STPG2: variants seen among roughly 807,000 people sequenced by gnomAD.
STPG2 encodes the protein sperm-tail PG-rich repeat-containing protein 2.
In STPG2, 56 loss-of-function variants were observed where a neutral mutation model predicts 54.2. That is an observed-to-expected ratio of 1.03 (90% CI 0.83 to 1.29). The LOEUF is 1.29. Ranked by LOEUF, STPG2 falls within the 50% of genes most tolerant of loss-of-function variation. The pLI is 0.00. For missense variants in STPG2, 596 were observed against 544.9 expected (o/e 1.09, Z -0.93); for synonymous variants, 200 against 181.8 (o/e 1.10, Z -0.81).
At chr4:97,941,148 C>T (rs913325678) in intron 8 of STPG2, among the ~76,000 whole-genome samples, 5 of 151,948 alleles carry the variant, frequency 3.3e-5, no homozygotes, top group East Asian at 3.9e-4. Context: ...CCTTGAAATG[C>T]GGCTAATGTT....
chr4:97,702,423 ACACCTT>A (rs1723806418), intron 10 of STPG2, among the ~76,000 whole-genome samples: 1 of 152,176 alleles, frequency 6.6e-6, no homozygotes, highest in Non-Finnish European at 1.5e-5. Context: ...CAAGTGTAAC[ACACCTT>A]CTCATGGGTC....
intron 10 of STPG2, among the ~76,000 whole-genome samples, chr4:97,705,574 C>A (rs1052847858): frequency 6.6e-6 from 1 of 151,972 alleles, no homozygotes; most frequent in Non-Finnish European, 1.5e-5. Context: ...GAGTTGCCCA[C>A]CTCAGCCTCC....
At chr4:97,953,000 C>T (rs1292201187) in intron 7 of STPG2, among the ~76,000 whole-genome samples, 2 of 152,130 alleles carry the variant, frequency 1.3e-5, no homozygotes, top group Admixed American at 1.3e-4. Context: ...CCTTATGTTA[C>T]CCAGGGGAGA....
chr4:97,653,360 A>C (rs534249693), intron 10 of STPG2, among the ~76,000 whole-genome samples: 1 of 151,938 alleles, frequency 6.6e-6, no homozygotes, highest in South Asian at 2.1e-4. Context: ...AATGAACAGT[A>C]GTGGAACAAA....
chr4:97,484,070 AAGGTGGTGCT>A lies in STPG2; in HGVS notation c.462+228619_462+228628del, dbSNP rs549843183. Among the ~76,000 whole-genome samples, 1,202 of 151,908 alleles carry A rather than the reference AAGGTGGTGCT, an allele frequency of 7.9e-3. 17 individuals are homozygous for A. The highest frequency in any genetic ancestry group is 0.026 in the African/African-American group (1,077 of 41,506). On this transcript the variant is annotated intron_variant, in intron 4 of 4. Transcript: ENST00000522676. The stretch of plus-strand genomic sequence containing the variant: ...CTATCAAAACCTCTGGGATACAGCA[AAGGTGGTGCT>A]AGGAGGAAAGTTCATAGCCCCAAAT...
chr4:97,747,012 C>CA (rs68176141), intron 9 of STPG2, among the ~76,000 whole-genome samples: 1,538 of 135,208 alleles, frequency 0.011, 12 homozygotes, highest in Middle Eastern at 0.048. Context: ...TGTTTTTATA[C>CA]AAAAAAAAAA....
intron 10 of STPG2, among the ~76,000 whole-genome samples, chr4:97,684,318 ACTACC>A (rs572865937): frequency 1.7e-4 from 26 of 152,062 alleles, no homozygotes; most frequent in South Asian, 1.0e-3. Flanking sequence ...GAGGACTAAT[ACTACC>A]CTACTTCAAG....
At chr4:98,063,429 C>T (rs915636740) in intron 5 of STPG2, among the ~76,000 whole-genome samples, 10 of 151,120 alleles carry the variant, frequency 6.6e-5, no homozygotes, top group African/African-American at 2.4e-4. Context: ...AGCCTGGTGA[C>T]AGAGCAAGAC....
intron 10 of STPG2, among the ~76,000 whole-genome samples, chr4:97,701,463 T>C (rs1723772200): frequency 6.6e-6 from 1 of 152,114 alleles, no homozygotes. Context: ...CTTTCCCCAA[T>C]GCACAGTTAA....
chr4:97,496,243 T>C (rs1730608919), intron 4 of STPG2, among the ~76,000 whole-genome samples: 1 of 151,732 alleles, frequency 6.6e-6, no homozygotes, highest in African/African-American at 2.4e-5. Flanking sequence ...AAAAATAACT[T>C]GCAATTTTTC....
intron 1 of STPG2, among the ~76,000 whole-genome samples, chr4:98,134,871 A>C (rs1361689853): frequency 6.6e-6 from 1 of 151,790 alleles, no homozygotes; most frequent in African/African-American, 2.4e-5. Flanking sequence ...GACACCCTAG[A>C]TGGAAATAAT....
At chr4:97,841,044 T>C in intron 8 of STPG2, 112 bp from the exon 9 acceptor site, 1 of 994,802 alleles carries the variant, frequency 1.0e-6, no homozygotes, top group Non-Finnish European at 1.4e-6. Flanking sequence ...CTAATACTTT[T>C]ATTAATTAAA....
At chr4:97,976,043 G>C (rs1357572353) in intron 6 of STPG2, among the ~76,000 whole-genome samples, 1 of 152,110 alleles carries the variant, frequency 6.6e-6, no homozygotes, top group African/African-American at 2.4e-5. Flanking sequence ...AAATCTTTCT[G>C]CATAGAAATA....
chr4:97,593,292 T>C (rs929622545), intron 10 of STPG2, among the ~76,000 whole-genome samples: 6 of 152,114 alleles, frequency 3.9e-5, no homozygotes, highest in Admixed American at 1.3e-4. Flanking sequence ...CAGCAAGCAC[T>C]TGTCCACAGC....
chr4:97,684,967 A>C (rs1449577123), intron 10 of STPG2, among the ~76,000 whole-genome samples: 1 of 152,080 alleles, frequency 6.6e-6, no homozygotes, highest in East Asian at 1.9e-4. Context: ...AGCATATAAA[A>C]AGATGCCCAA....
At chr4:97,826,524 T>TA (rs1370340059) in intron 9 of STPG2, among the ~76,000 whole-genome samples, 1 of 152,160 alleles carries the variant, frequency 6.6e-6, no homozygotes, top group African/African-American at 2.4e-5. Flanking sequence ...ATCTGCTCTT[T>TA]AAAAAAATTG....
intron 10 of STPG2, among the ~76,000 whole-genome samples, chr4:97,595,056 T>C (rs1483264139): frequency 6.6e-6 from 1 of 152,150 alleles, no homozygotes; most frequent in East Asian, 1.9e-4. Flanking sequence ...TCCTCAAGGA[T>C]CTAGACCTAG....
At chr4:97,445,286 C>A (rs542665164) in intron 4 of STPG2, among the ~76,000 whole-genome samples, 1 of 151,980 alleles carries the variant, frequency 6.6e-6, no homozygotes, top group African/African-American at 2.4e-5. Flanking sequence ...ATTTGTGAGA[C>A]GAAATTAAAA....
At chr4:97,780,984 G>T (rs1726585322) in intron 9 of STPG2, among the ~76,000 whole-genome samples, 1 of 152,226 alleles carries the variant, frequency 6.6e-6, no homozygotes, top group East Asian at 1.9e-4. Context: ...AAGCGGCAAA[G>T]ATCTAAAATT....
Sources: gnomAD v4.1 joint callset for allele counts (sites outside exome capture counted in the v4.1 genomes callset) on GRCh38, gnomAD v4.1.1 for gene constraint, MANE v1.5 for transcripts, NCBI Gene and HGNC (gene_info 2026-07-23, HGNC 2026-07-21) for gene names.